LCP1: variants seen among roughly 807,000 people sequenced by gnomAD.
LCP1 encodes plastin-2.
Under a neutral mutation model 72.0 loss-of-function variants are expected in LCP1, and 23 were observed. The observed-to-expected ratio is 0.32, with a 90% CI of 0.23 to 0.45. The LOEUF (loss-of-function observed/expected upper bound fraction) is 0.45. LCP1 is among the 20% of genes least tolerant of loss of function. The pLI, the probability that LCP1 is intolerant of heterozygous loss-of-function variation, is 1.00. For missense variants in LCP1, 571 were observed against 748.3 expected, an observed-to-expected ratio of 0.76 and a Z score of 2.76; for synonymous variants, 245 against 275.4, an observed-to-expected ratio of 0.89 and a Z score of 1.09.
chr13:46,165,115 G>A (rs1324428922), intron 1 of LCP1, among the ~76,000 whole-genome samples: 1 of 152,188 alleles, frequency 6.6e-6, no homozygotes, highest in African/African-American at 2.4e-5. Flanking sequence ...GCTCATGCCT[G>A]TGATCCCAAC....
intron 4 of LCP1, among the ~76,000 whole-genome samples, chr13:46,157,261 T>C (rs1365625510): frequency 1.3e-5 from 2 of 151,792 alleles, no homozygotes; most frequent in African/African-American, 2.4e-5. Context: ...TGTATACATA[T>C]ATATATACAC....
At chr13:46,127,782 C>T (rs991395973) in intron 15 of LCP1, 59 bp from the exon 16 acceptor site, 84 of 1,596,412 alleles carry the variant, frequency 5.3e-5, no homozygotes, top group Non-Finnish European at 9.4e-6. Context: ...ACGAATGGGA[C>T]CCTGGAGGGT....
intron 1 of LCP1, among the ~76,000 whole-genome samples, chr13:46,181,573 C>T (rs577348207): frequency 1.3e-5 from 2 of 152,218 alleles, no homozygotes; most frequent in African/African-American, 4.8e-5. Flanking sequence ...ACCCTTGGCG[C>T]CAAAAATCAC....
intron 5 of LCP1, among the ~76,000 whole-genome samples, chr13:46,155,672 G>A (rs2045795846): frequency 6.6e-6 from 1 of 152,200 alleles, no homozygotes; most frequent in Non-Finnish European, 1.5e-5. Context: ...TGTGATGACA[G>A]AGAACCTGCT....
chr13:46,147,172 GA>G, intron 9 of LCP1, 69 bp from the exon 10 acceptor site: 1 of 1,291,572 alleles, frequency 7.7e-7, no homozygotes, highest in Non-Finnish European at 1.0e-6. Flanking sequence ...TGCATAATGT[GA>G]AAAGAAATGG....
chr13:46,141,746 G>A (rs1266867194), intron 13 of LCP1, among the ~76,000 whole-genome samples: 2 of 152,150 alleles, frequency 1.3e-5, no homozygotes, highest in Non-Finnish European at 2.9e-5. Flanking sequence ...GACAGAAAAT[G>A]ATACCAAATG....
At chr13:46,158,445 T>C (rs1006655167) in intron 4 of LCP1, 77 bp downstream of exon 4, 4 of 1,526,810 alleles carry the variant, frequency 2.6e-6, no homozygotes, top group Non-Finnish European at 3.6e-6. Flanking sequence ...TGTCTTTGTT[T>C]ACATCCCTTA....
rs538572657 is a variant in LCP1, at chr13:46,126,658, C to A, written c.*933G>T. 15 of 231,762 alleles carry A rather than the reference C, an allele frequency of 6.5e-5. No homozygotes were observed. The South Asian group carries it at 2.7e-3, about 42-fold the overall frequency. 14.4% of individuals were successfully genotyped at this position (231,762 alleles called of 1,614,324 possible). ...CAAATGTTGACAGGTATTAGCCATA[C>A]CACAGTAACTAGATCTAATGTGAGG... On this transcript the variant is annotated 3_prime_UTR_variant, in exon 16 of 16. Coordinates refer to ENST00000323076, the MANE Select transcript of LCP1 (RefSeq NM_002298.5).
At chr13:46,157,973 C>T (rs915682653) in intron 4 of LCP1, among the ~76,000 whole-genome samples, 8 of 152,054 alleles carry the variant, frequency 5.3e-5, no homozygotes, top group African/African-American at 1.7e-4. Context: ...GTGATCCACC[C>T]GCCTTGGCCT....
chr13:46,179,237 G>A (rs2045945569), intron 1 of LCP1, among the ~76,000 whole-genome samples: 2 of 152,100 alleles, frequency 1.3e-5, no homozygotes, highest in Non-Finnish European at 2.9e-5. Flanking sequence ...CTAGGGCTTC[G>A]GTAAAGCTGA....
At chr13:46,163,631 AT>A (rs11312668) in intron 1 of LCP1, among the ~76,000 whole-genome samples, 3,816 of 139,296 alleles carry the variant, frequency 0.027, 203 homozygotes, top group African/African-American at 0.097. Flanking sequence ...AGAATGATCA[AT>A]TAAAAAAAAA....
intron 12 of LCP1, chr13:46,142,890 C>A: frequency 2.5e-6 from 1 of 402,038 alleles, no homozygotes. Context: ...ATGGCTGTGT[C>A]AACCCTGTTG....
intron 13 of LCP1, 104 bp downstream of exon 13, chr13:46,142,188 A>T (rs2045702530): frequency 8.3e-7 from 1 of 1,212,100 alleles, no homozygotes; most frequent in Non-Finnish European, 1.2e-6. Flanking sequence ...AGCTTAGCTT[A>T]AAACATACTT....
chr13:46,129,068 G>T (rs1192259062), intron 15 of LCP1, among the ~76,000 whole-genome samples: 1 of 152,090 alleles, frequency 6.6e-6, no homozygotes, highest in Non-Finnish European at 1.5e-5. Flanking sequence ...TATTAACAAA[G>T]TAAAATTAAT....
intron 13 of LCP1, 124 bp from the exon 14 acceptor site, chr13:46,134,374 A>C: frequency 2.6e-6 from 2 of 758,220 alleles, no homozygotes; most frequent in South Asian, 3.9e-5. Flanking sequence ...ACACCATTAC[A>C]TTTGAGAGAA....
chr13:46,158,690 G>T, intron 3 of LCP1, 39 bp from the exon 4 acceptor site: 1 of 1,612,276 alleles, frequency 6.2e-7, no homozygotes. Flanking sequence ...CTCAAGCAGT[G>T]ATCAAGAAAA....
chr13:46,145,573 T>C (rs893325162), intron 10 of LCP1, among the ~76,000 whole-genome samples: 24 of 149,360 alleles, frequency 1.6e-4, no homozygotes, highest in African/African-American at 5.2e-4. Context: ...GTTTGGTGAC[T>C]AAAGAAAAAA....
At chr13:46,158,422 CTG>C in intron 4 of LCP1, 98 bp downstream of exon 4, 1 of 1,358,886 alleles carries the variant, frequency 7.4e-7, no homozygotes, top group South Asian at 1.4e-5. Context: ...ATCCATAAAG[CTG>C]TGTTTGCTTC....
intron 13 of LCP1, among the ~76,000 whole-genome samples, chr13:46,140,594 C>T (rs929466486): frequency 6.6e-6 from 1 of 152,120 alleles, no homozygotes; most frequent in Non-Finnish European, 1.5e-5. Context: ...AGGTCAAATT[C>T]ATGATATTTG....
Sources: gnomAD v4.1 joint callset for allele counts (sites outside exome capture counted in the v4.1 genomes callset) on GRCh38, gnomAD v4.1.1 for gene constraint, MANE v1.5 for transcripts, NCBI Gene and HGNC (gene_info 2026-07-23, HGNC 2026-07-21) for gene names.